The following NUP93 variants were observed in gnomAD, a reference collection of about 807,000 sequenced individuals.
The protein encoded by NUP93 is nuclear pore complex protein Nup93.
In NUP93, 55 loss-of-function variants were observed where a neutral mutation model predicts 107.8. The observed-to-expected ratio is 0.51, with a 90% CI of 0.41 to 0.64. The LOEUF (loss-of-function observed/expected upper bound fraction) is 0.64, where lower values mean the gene tolerates loss of function less well. NUP93 is among the 30% of genes least tolerant of loss of function. The pLI, the probability that NUP93 is intolerant of heterozygous loss-of-function variation, is 0.00. For synonymous variants in NUP93, 390 were observed against 397.5 expected (o/e 0.98, Z 0.22); for missense variants, 937 against 1,044.7 (o/e 0.90, Z 1.42).
chr16:56,736,710 C>G (rs1961619453), intron 1 of NUP93, among the ~76,000 whole-genome samples: 1 of 152,118 alleles, frequency 6.6e-6, no homozygotes, highest in Non-Finnish European at 1.5e-5. Context: ...CCAGTGGTGC[C>G]TGGAAACTCA....
At chr16:56,823,176 G>C (rs1963584080) in intron 7 of NUP93, among the ~76,000 whole-genome samples, 1 of 152,184 alleles carries the variant, frequency 6.6e-6, no homozygotes, top group African/African-American at 2.4e-5. Flanking sequence ...GAGTGGGAAG[G>C]AAAATGGGAG....
intron 1 of NUP93, among the ~76,000 whole-genome samples, chr16:56,731,757 C>T (rs763563786): frequency 1.3e-5 from 2 of 152,202 alleles, no homozygotes; most frequent in Non-Finnish European, 2.9e-5. Flanking sequence ...TGGGCCAGGT[C>T]ACCACCTCTG....
Position 56,844,539 on chromosome 16 carries a change from G to A in NUP93, c.2390G>A (p.Gly797Glu). 6.4e-7 allele frequency: 1 copy of A among 1,556,320 alleles called. No individual in the cohort carries two copies. Among genetic ancestry groups the A allele is most frequent in the South Asian group, 1.2e-5 (1 of 82,572 alleles). Residue 797 changes from glycine to glutamate, a missense_variant, in exon 22 of 22, where the codon GGA becomes GAA. Physicochemically the swap from Gly to Glu is moderately conservative, Grantham distance 98. Transcript: ENST00000308159. Reference protein sequence around the residue: ...SQARTLITFAGMIPYRTSGDT... With the variant: ...SQARTLITFAEMIPYRTSGDT... Reference sequence around the variant, plus strand: ...GCCCGCACTCTGATTACCTTTGCTGGAATGATACCATACCGAACGTCTGGG... The same window carrying A: ...GCCCGCACTCTGATTACCTTTGCTGAAATGATACCATACCGAACGTCTGGG...
rs115163360 is a variant in NUP93, at chr16:56,787,359, C to T, written c.298-11117C>T. On this transcript the variant is annotated intron_variant, in intron 3 of 21. Transcript: ENST00000308159. ...CGACTGCAGTGTAAATGACTGACAC[C>T]GTATACCAGCAGGGAAATGTGAGAC... 4.3e-3 allele frequency among the ~76,000 whole-genome samples: 660 copies of T among 152,248 alleles called. 7 individuals carry two copies. Among genetic ancestry groups the T allele is most frequent in the African/African-American group, 0.015 (605 of 41,548 alleles).
chr16:56,845,114 T>C lies in NUP93; in HGVS notation c.*505T>C, dbSNP rs1300503274. ...ACTCCATGTCCTCCTCTAGAGAGTG[T>C]GACTTAAGTCCAGATGGTCCAAGAC... On this transcript the variant is annotated 3_prime_UTR_variant, in exon 22 of 22. Transcript: ENST00000308159. 1 of 198,954 alleles carries C rather than the reference T, an allele frequency of 5.0e-6. No homozygotes were observed. The highest frequency in any genetic ancestry group is 2.3e-5 in the African/African-American group (1 of 43,462). 12.3% of individuals were successfully genotyped at this position (198,954 alleles called of 1,614,324 possible). A position where few individuals can be genotyped will look rare whatever the true frequency, so the allele number is the denominator to read the frequency against.
At chr16:56,753,551 T>C in intron 2 of NUP93, among the ~76,000 whole-genome samples, 1 of 152,296 alleles carries the variant, frequency 6.6e-6, no homozygotes, top group African/African-American at 2.4e-5. Context: ...TCAGGCTCCA[T>C]CCCAAACCTA....
chr16:56,756,985 G>C (rs1350961108), intron 2 of NUP93, among the ~76,000 whole-genome samples: 1 of 152,058 alleles, frequency 6.6e-6, no homozygotes, highest in Non-Finnish European at 1.5e-5. Context: ...TAACTTTTTA[G>C]GATTATTAGA....
intron 14 of NUP93, 40 bp from the exon 15 acceptor site, chr16:56,834,330 A>G (rs949557141): frequency 2.5e-6 from 4 of 1,614,062 alleles, no homozygotes; most frequent in Non-Finnish European, 3.4e-6. Context: ...TAGAGACCTC[A>G]TGTCCAGACT....
chr16:56,816,657 T>C (rs1963439451), intron 5 of NUP93, among the ~76,000 whole-genome samples: 1 of 152,186 alleles, frequency 6.6e-6, no homozygotes, highest in South Asian at 2.1e-4. Context: ...CAGGCTTGTG[T>C]TTCCATCTCA....
intron 1 of NUP93, among the ~76,000 whole-genome samples, chr16:56,737,487 C>A (rs534857111): frequency 3.3e-5 from 5 of 152,288 alleles, no homozygotes; most frequent in Admixed American, 1.3e-4. Context: ...GTCCTTAGTA[C>A]CCGAAAAGCT....
In NUP93 at chr16:56,847,441, G is replaced by C. The variant is rs560449074; in HGVS notation, c.*2832G>C. 3 of 152,292 alleles carry C rather than the reference G, an allele frequency of 2.0e-5. No homozygotes were observed. Among genetic ancestry groups the C allele is most frequent in the South Asian group, 4.1e-4 (2 of 4,820 alleles). The allele number at this position is 152,292 out of a possible 1,614,324, so 9.4% of individuals were successfully genotyped here. On this transcript the variant is annotated 3_prime_UTR_variant, in exon 22 of 22. Transcript: ENST00000308159. ...AGAAACTAAGAGAAAGTGGCACTAG[G>C]CGTCTTGTCTTCCAGATGTGAGATT...
intron 5 of NUP93, among the ~76,000 whole-genome samples, chr16:56,815,692 AG>A (rs1290203494): frequency 6.6e-6 from 1 of 152,186 alleles, no homozygotes; most frequent in Non-Finnish European, 1.5e-5. Context: ...CAGTGCTGTG[AG>A]GTAGGGATTC....
chr16:56,733,815 C>T (rs555715723), intron 1 of NUP93, among the ~76,000 whole-genome samples: 2 of 152,250 alleles, frequency 1.3e-5, no homozygotes, highest in South Asian at 2.1e-4. Context: ...AATAACATAA[C>T]GTTTGAAATA....
intron 3 of NUP93, among the ~76,000 whole-genome samples, chr16:56,766,167 G>A (rs1423574475): frequency 1.3e-5 from 2 of 152,146 alleles, no homozygotes; most frequent in African/African-American, 2.4e-5. Context: ...AGGCTTTTTT[G>A]TCTTCTAGGA....
At chr16:56,768,649 A>G (rs371043176) in intron 3 of NUP93, among the ~76,000 whole-genome samples, 34 of 151,204 alleles carry the variant, frequency 2.2e-4, no homozygotes, top group East Asian at 2.2e-3. Context: ...GGCGGATCAC[A>G]AGGTCAGGAG....
At chr16:56,730,628 T>G (rs773653210) in intron 1 of NUP93, among the ~76,000 whole-genome samples, 4 of 152,104 alleles carry the variant, frequency 2.6e-5, no homozygotes, top group Non-Finnish European at 4.4e-5. Flanking sequence ...GGACACACCC[T>G]GTAGGGAGGC....
intron 4 of NUP93, among the ~76,000 whole-genome samples, chr16:56,800,979 C>T (rs1487291260): frequency 1.3e-5 from 2 of 152,198 alleles, no homozygotes; most frequent in African/African-American, 2.4e-5. Flanking sequence ...ATTTTCCACA[C>T]ATAACAAAAA....
chr16:56,761,237 A>G (rs1383283390), intron 3 of NUP93, among the ~76,000 whole-genome samples: 2 of 152,156 alleles, frequency 1.3e-5, no homozygotes, highest in Non-Finnish European at 2.9e-5. Flanking sequence ...TTTAAGTTGT[A>G]TTGTGTGGCT....
chr16:56,815,717 C>A (rs1244670191), intron 5 of NUP93, among the ~76,000 whole-genome samples: 1 of 152,158 alleles, frequency 6.6e-6, no homozygotes, highest in African/African-American at 2.4e-5. Flanking sequence ...CCGTTTTTCT[C>A]CCCATTTAAT....
Sources: allele counts gnomAD v4.1 joint callset (sites outside exome capture counted in the v4.1 genomes callset), GRCh38; gene constraint gnomAD v4.1.1; transcripts MANE v1.5; gene names NCBI Gene and HGNC (gene_info 2026-07-23, HGNC 2026-07-21).